FBXO43: variants seen among roughly 807,000 people sequenced by gnomAD.
The protein encoded by FBXO43 is F-box only protein 43.
A neutral mutation model predicts 56.7 loss-of-function variants in FBXO43; 22 were observed. The observed-to-expected ratio is 0.39, with a 90% CI of 0.28 to 0.55. The LOEUF (loss-of-function observed/expected upper bound fraction) is 0.55. FBXO43 is among the 20% of genes least tolerant of loss of function. FBXO43 has a pLI of 0.66. For missense variants in FBXO43, 733 were observed against 814.9 expected, an observed-to-expected ratio of 0.90 and a Z score of 1.22; for synonymous variants, 306 against 294.5, an observed-to-expected ratio of 1.04 and a Z score of -0.40.
Position 100,134,261 on chromosome 8 carries a change from C to G in FBXO43, c.1778G>C (p.Arg593Thr). The change falls in exon 4 of 5, where the codon AGA becomes ACA. Residue 593 changes from arginine (R) to threonine (T), a missense_variant. Arg to Thr is a moderately conservative substitution (Grantham distance 71, BLOSUM62 -1). Coordinates refer to ENST00000428847, the MANE Select transcript of FBXO43 (RefSeq NM_001029860.4). The part of the protein sequence containing the change: ...QAQARIPGSQ[R>T]EQGSTLSPWG... ...GGGAGATAATGTTGACCCTTGCTCT[C>G]TCTGAGAACCAGGTATCCTAGCCTG... The G allele has an allele frequency of 1.2e-6, 2 of 1,614,170 alleles. No individual in the cohort carries two copies. The highest frequency in any genetic ancestry group is 1.7e-6 in the Non-Finnish European group (2 of 1,180,034).
chr8:100,139,374 C>T (rs1254464638), intron 2 of FBXO43, among the ~76,000 whole-genome samples: 2 of 152,132 alleles, frequency 1.3e-5, no homozygotes, highest in Non-Finnish European at 2.9e-5. Flanking sequence ...GGGAGGATCA[C>T]TTGAGCCCAG....
At chr8:100,138,733 C>A (rs1409870880) in intron 2 of FBXO43, among the ~76,000 whole-genome samples, 1 of 152,172 alleles carries the variant, frequency 6.6e-6, no homozygotes, top group African/African-American at 2.4e-5. Context: ...CCAAATACTC[C>A]AGCATATAAA....
upstream of FBXO43, among the ~76,000 whole-genome samples, chr8:100,146,591 C>G (rs3133674): frequency 2.0e-5 from 3 of 152,082 alleles, no homozygotes; most frequent in Non-Finnish European, 4.4e-5. Context: ...ATTTACTGGG[C>G]GTCTATTATA....
chr8:100,145,027 A>G, intron 1 of FBXO43, 24 bp downstream of exon 1: 1 of 1,600,744 alleles, frequency 6.2e-7, no homozygotes, highest in Middle Eastern at 1.7e-4. Context: ...AATGTTCTTC[A>G]TTTGTTAAAG....
At chr8:100,136,400 C>T (rs936715751) in intron 3 of FBXO43, among the ~76,000 whole-genome samples, 14 of 152,216 alleles carry the variant, frequency 9.2e-5, no homozygotes, top group Admixed American at 1.3e-4. Flanking sequence ...AAATATTTTT[C>T]GCTAGAACAA....
In FBXO43 at chr8:100,140,851, T is replaced by G. The variant is rs758960444; in HGVS notation, c.1403A>C (p.Glu468Ala). The G allele has an allele frequency of 1.2e-6, 2 of 1,614,242 alleles. No homozygotes were observed. The highest frequency in any genetic ancestry group is 1.7e-5 in the Admixed American group (1 of 60,028). ...AGCTATTTTCTCCCCATCCCCTTGC[T>G]CTAAGAATTCATGTCCACTATTTTC... Reference protein sequence around the residue: ...LQENSGHEFLEQGDGEKIAVL... With the variant: ...LQENSGHEFLAQGDGEKIAVL... Residue 468 changes from glutamate (E) to alanine (A), a missense_variant, in exon 2 of 5, where the codon GAG becomes GCG. Transcript: ENST00000428847.
In FBXO43 at chr8:100,145,436, G is replaced by A. The variant is rs1324669175; in HGVS notation, c.-301C>T. 3.9e-6 allele frequency: 1 copy of A among 254,110 alleles called. No homozygotes were observed. Among genetic ancestry groups the A allele is most frequent in the Non-Finnish European group, 7.5e-6 (1 of 134,086 alleles). The allele number at this position is 254,110 out of a possible 1,614,324, so 15.7% of individuals were successfully genotyped here. ...TGACTCCCCCGAGGAGCTATGGCGG[G>A]CGGGTGGGTAACGGTCTCACCAGGG... On this transcript the variant is annotated 5_prime_UTR_variant, in exon 1 of 5. Coordinates refer to ENST00000428847, the MANE Select transcript of FBXO43 (RefSeq NM_001029860.4).
At chr8:100,148,438 G>T (rs749323268), upstream of FBXO43, among the ~76,000 whole-genome samples, 1 of 151,990 alleles carries the variant, frequency 6.6e-6, no homozygotes, top group Non-Finnish European at 1.5e-5. Flanking sequence ...TTGAGACAGA[G>T]TCTCACTTTG....
chr8:100,135,980 G>T (rs540629785), intron 3 of FBXO43, among the ~76,000 whole-genome samples: 23 of 151,830 alleles, frequency 1.5e-4, no homozygotes, highest in African/African-American at 5.3e-4. Context: ...TACATGGAGG[G>T]TTGCCAGCAC....
At position 100,140,605 on chromosome 8, in the gene FBXO43, G is replaced by A. The variant is rs554895489; in HGVS notation, c.1571+78C>T. On this transcript the variant is annotated intron_variant, in intron 2 of 4. Coordinates refer to ENST00000428847, the MANE Select transcript of FBXO43 (RefSeq NM_001029860.4). ...ACAGAGATAATAAAACAAAATAAAGGACAACCACTCAAGTCACAGAAAAAC... is the reference window on the plus strand; with the variant it reads ...ACAGAGATAATAAAACAAAATAAAGAACAACCACTCAAGTCACAGAAAAAC... The A allele has an allele frequency of 1.8e-5, 21 of 1,147,146 alleles. No individual in the cohort carries two copies. In the African/African-American group the frequency reaches 3.3e-4, roughly 18 times the overall value. 71.1% of individuals were successfully genotyped at this position (1,147,146 alleles called of 1,614,324 possible).
Position 100,141,510 on chromosome 8 carries a change from T to G in FBXO43, c.744A>C (p.Glu248Asp). 1 of 1,612,548 alleles carries G rather than the reference T, an allele frequency of 6.2e-7. No individual in the cohort carries two copies. Among genetic ancestry groups the G allele is most frequent in the Non-Finnish European group, 8.5e-7 (1 of 1,180,000 alleles). Residue 248 changes from glutamate to aspartate, a missense_variant, in exon 2 of 5, where the codon GAA (glutamate) becomes GAC (aspartate). Transcript: ENST00000428847. ...TATTGCCCTGAATTGGAGATATACA[T>G]TCAACTTCAAATAGGCTACAATCAT... The part of the protein sequence containing the change: ...SKDDCSLFEV[E>D]CISPIQGNNF...
chr8:100,138,459 G>A (rs1814541212), intron 2 of FBXO43, among the ~76,000 whole-genome samples: 1 of 152,124 alleles, frequency 6.6e-6, no homozygotes. Context: ...CCCTATATCA[G>A]AGGGAAGGAA....
At chr8:100,143,987 G>C (rs1007218872) in intron 1 of FBXO43, among the ~76,000 whole-genome samples, 1 of 152,188 alleles carries the variant, frequency 6.6e-6, no homozygotes, top group African/African-American at 2.4e-5. Context: ...GGCCAGGCTG[G>C]TCTCGAACTC....
upstream of FBXO43, among the ~76,000 whole-genome samples, chr8:100,147,924 A>G (rs968977629): frequency 1.3e-5 from 2 of 152,208 alleles, no homozygotes; most frequent in Non-Finnish European, 1.5e-5. Context: ...TAGAGTGAAT[A>G]GTACCCTCTC....
At chr8:100,143,168 T>C (rs887828783) in intron 1 of FBXO43, among the ~76,000 whole-genome samples, 3 of 152,226 alleles carry the variant, frequency 2.0e-5, no homozygotes, top group Non-Finnish European at 4.4e-5. Flanking sequence ...AAAAATAGTG[T>C]TAAGAAAAAA....
intron 3 of FBXO43, among the ~76,000 whole-genome samples, chr8:100,134,663 A>T (rs114537564): frequency 0.055 from 8,308 of 152,194 alleles, 671 homozygotes; most frequent in African/African-American, 0.17. Context: ...CCTTTCCTGC[A>T]AAAGGACCAG....
intron 2 of FBXO43, among the ~76,000 whole-genome samples, chr8:100,138,839 A>T (rs192557494): frequency 3.3e-5 from 5 of 152,284 alleles, no homozygotes; most frequent in Admixed American, 2.6e-4. Context: ...GGAGTTTGAG[A>T]CCAGCCTGGG....
chr8:100,137,330 G>C (rs547604249), intron 3 of FBXO43: 1 of 343,268 alleles, frequency 2.9e-6, no homozygotes, highest in African/African-American at 2.2e-5. Flanking sequence ...AAAGTGCTGG[G>C]ATTACAGGCG....
Position 100,141,881 on chromosome 8 carries a change from T to A in FBXO43, c.373A>T (p.Lys125Ter). Reference protein sequence around the residue: ...LTHPLESPTQKKKCILPRKEK... With the variant: ...LTHPLESPTQ Reference sequence around the variant, plus strand: ...TTTCTAGGCAAGATACATTTCTTTTTTTGAGTGGGAGATTCTAAAGGATGT... The same window carrying A: ...TTTCTAGGCAAGATACATTTCTTTTATTGAGTGGGAGATTCTAAAGGATGT... The change falls in exon 2 of 5, where the codon AAA becomes TAA. Residue 125 changes from lysine (K) to a stop codon, truncating the protein, a stop_gained. Transcript: ENST00000428847. LOFTEE classifies it high-confidence loss of function. The A allele has an allele frequency of 1.3e-6, 2 of 1,589,640 alleles. No individual in the cohort carries two copies. Among genetic ancestry groups the A allele is most frequent in the Non-Finnish European group, 1.7e-6 (2 of 1,172,910 alleles).
Sources: allele counts gnomAD v4.1 joint callset (sites outside exome capture counted in the v4.1 genomes callset), GRCh38; gene constraint gnomAD v4.1.1; transcripts MANE v1.5; gene names NCBI Gene and HGNC (gene_info 2026-07-23, HGNC 2026-07-21).